Variants in PCDHA3 observed in about 807,000 individuals in gnomAD.
The protein encoded by PCDHA3 is protocadherin alpha 3, also known as protocadherin alpha-3.
Under a neutral mutation model 62.2 loss-of-function variants are expected in PCDHA3, and 41 were observed. The ratio of observed to expected loss-of-function variants is 0.66; its 90% confidence interval spans 0.51 to 0.86. The LOEUF (loss-of-function observed/expected upper bound fraction) is 0.86, where lower values mean the gene tolerates loss of function less well. Ranked by LOEUF, PCDHA3 falls within the 40% of genes least tolerant of loss-of-function variation. The probability of loss-of-function intolerance (pLI) is 0.00; values close to 1 mark genes in which losing one functional copy is unlikely to be tolerated. For synonymous variants in PCDHA3, 640 were observed against 555.4 expected (o/e 1.15, Z -2.14); for missense variants, 1,304 against 1,241.2 (o/e 1.05, Z -0.76).
chr5:140,868,990 G>A (rs1554162367), intron 1 of PCDHA3: 39 of 1,511,606 alleles, frequency 2.6e-5, no homozygotes, highest in Non-Finnish European at 2.4e-5. Flanking sequence ...GGATGCCACC[G>A]TTTAAGGATC....
At chr5:140,915,626 G>GTCTCTCTCTCTCTC (rs57920489) in intron 1 of PCDHA3, among the ~76,000 whole-genome samples, 21 of 146,534 alleles carry the variant, frequency 1.4e-4, no homozygotes, top group African/African-American at 5.0e-4. Context: ...GTCTCTTTCT[G>GTCTCTCTCTCTCTC]TCTCTCTCTC....
chr5:140,887,286 T>TG (rs1171397329), intron 1 of PCDHA3, among the ~76,000 whole-genome samples: 1 of 151,952 alleles, frequency 6.6e-6, no homozygotes, highest in Non-Finnish European at 1.5e-5. Context: ...TTAGTAGAGA[T>TG]GGGGTTTCAT....
intron 3 of PCDHA3, among the ~76,000 whole-genome samples, chr5:141,004,792 C>G (rs2098181519): frequency 6.6e-6 from 1 of 152,170 alleles, no homozygotes; most frequent in African/African-American, 2.4e-5. Flanking sequence ...CAGGCAGATT[C>G]TGGCTGAGCT....
Position 140,857,574 on chromosome 5 carries a change from T to G in PCDHA3, c.2394+53983T>G, listed in dbSNP as rs1452756689. On this transcript the variant is annotated intron_variant, in intron 1 of 3. Coordinates refer to ENST00000522353, the MANE Select transcript of PCDHA3 (RefSeq NM_018906.3). ...CGCTCGCTGTCGAGCTACGTGTCGGTGCACGCGGAGAGCGGCAAGGTGTAC... is the reference window on the plus strand; with the variant it reads ...CGCTCGCTGTCGAGCTACGTGTCGGGGCACGCGGAGAGCGGCAAGGTGTAC... 26 of 1,596,616 alleles carry G rather than the reference T, an allele frequency of 1.6e-5. 3 individuals carry two copies. Among genetic ancestry groups the G allele is most frequent in the Non-Finnish European group, 2.1e-5 (25 of 1,167,676 alleles).
intron 1 of PCDHA3, chr5:140,810,936 T>A (rs1435717143): frequency 6.6e-6 from 1 of 152,230 alleles, no homozygotes; most frequent in Non-Finnish European, 1.5e-5. Context: ...ACATTACATC[T>A]ACAATCCATT....
intron 1 of PCDHA3, chr5:140,857,451 C>T (rs782451627): frequency 1.3e-6 from 2 of 1,598,488 alleles, no homozygotes; most frequent in Non-Finnish European, 1.7e-6. Flanking sequence ...GAGAACAACC[C>T]GCCAGGCTGC....
chr5:140,871,255 A>G (rs201468806), intron 1 of PCDHA3: 9 of 1,613,976 alleles, frequency 5.6e-6, no homozygotes, highest in Non-Finnish European at 7.6e-6. Context: ...GCTGCTGTAT[A>G]CGGCGCTGTG....
chr5:140,855,741 A>C, intron 1 of PCDHA3: 2 of 313,634 alleles, frequency 6.4e-6, no homozygotes, highest in Non-Finnish European at 5.9e-6. Flanking sequence ...AAGAGACGTA[A>C]TGTGAGGCTT....
intron 1 of PCDHA3, chr5:140,877,802 A>C: frequency 6.2e-7 from 1 of 1,613,434 alleles, no homozygotes; most frequent in Non-Finnish European, 8.5e-7. Flanking sequence ...CCAAGCCTTC[A>C]GCTGTCTCGA....
Position 140,803,118 on chromosome 5 carries a change from G to A in PCDHA3, c.1921G>A (p.Asp641Asn). 2 of 1,613,812 alleles carry A rather than the reference G, an allele frequency of 1.2e-6. No individual in the cohort carries two copies. The highest frequency in any genetic ancestry group is 1.7e-6 in the Non-Finnish European group (2 of 1,179,924). ...ISTTRALDEV[D>N]APRHRLLVLV... ...CACGACCCGTGCCCTGGACGAGGTGGACGCCCCGCGCCATCGCCTACTGGT... is the reference window on the plus strand; with the variant it reads ...CACGACCCGTGCCCTGGACGAGGTGAACGCCCCGCGCCATCGCCTACTGGT... The change falls in exon 1 of 4, where the codon GAC (aspartate) becomes AAC (asparagine). Residue 641 changes from aspartate (D) to asparagine (N), a missense_variant. By Grantham distance (23) the Asp-to-Asn change is conservative (BLOSUM62 1). Coordinates refer to ENST00000522353, the MANE Select transcript of PCDHA3 (RefSeq NM_018906.3).
intron 1 of PCDHA3, chr5:140,928,717 T>C: frequency 6.2e-7 from 1 of 1,614,208 alleles, no homozygotes; most frequent in Non-Finnish European, 8.5e-7. Context: ...CTCTAGTCTC[T>C]TTAGAATTTC....
chr5:140,917,359 A>G (rs2078164580), intron 1 of PCDHA3, among the ~76,000 whole-genome samples: 3 of 142,606 alleles, frequency 2.1e-5, no homozygotes, highest in South Asian at 2.2e-4. Flanking sequence ...CTTCTGTTCC[A>G]CTATCTTGCT....
chr5:140,872,246 G>A (rs2053563930), intron 1 of PCDHA3, among the ~76,000 whole-genome samples: 1 of 151,488 alleles, frequency 6.6e-6, no homozygotes, highest in Non-Finnish European at 1.5e-5. Flanking sequence ...TTATTCCTGT[G>A]ATAATACTTG....
At chr5:140,935,981 C>T (rs1206046231) in intron 1 of PCDHA3, among the ~76,000 whole-genome samples, 2 of 151,096 alleles carry the variant, frequency 1.3e-5, no homozygotes, top group Non-Finnish European at 2.9e-5. Context: ...CAATCTCTGC[C>T]TCCCGGGTTC....
intron 1 of PCDHA3, chr5:140,816,468 A>G (rs1321714228): frequency 6.6e-6 from 1 of 151,952 alleles, no homozygotes; most frequent in African/African-American, 2.4e-5. Context: ...AGTAATTCAC[A>G]TAGCTCTATT....
In PCDHA3 at chr5:140,803,121, G is replaced by A; in HGVS notation, c.1924G>A (p.Ala642Thr). The change falls in exon 1 of 4, where the codon GCC (alanine) becomes ACC (threonine). Residue 642 changes from alanine (A) to threonine (T), a missense_variant. Ala to Thr is a moderately conservative substitution (Grantham distance 58). Transcript: ENST00000522353. ...GACCCGTGCCCTGGACGAGGTGGAC[G>A]CCCCGCGCCATCGCCTACTGGTGCT... ...STTRALDEVDAPRHRLLVLVK... is the reference protein window; with the variant it reads ...STTRALDEVDTPRHRLLVLVK... 1 of 1,613,764 alleles carries A rather than the reference G, an allele frequency of 6.2e-7. No homozygotes were observed. The highest frequency in any genetic ancestry group is 8.5e-7 in the Non-Finnish European group (1 of 1,179,924).
At chr5:140,814,311 A>G (rs1404172900) in intron 1 of PCDHA3, 28 of 152,108 alleles carry the variant, frequency 1.8e-4, no homozygotes, top group African/African-American at 6.8e-4. Flanking sequence ...ATTGTCTTCC[A>G]CCTCCATATC....
chr5:140,881,398 AT>A (rs1269168835), intron 1 of PCDHA3: 1 of 975,426 alleles, frequency 1.0e-6, no homozygotes, highest in Non-Finnish European at 1.2e-6. Context: ...GTTAAATTCT[AT>A]TAAATCAATA....
intron 1 of PCDHA3, among the ~76,000 whole-genome samples, chr5:140,948,015 C>CCTTTT (rs71276332): frequency 0.56 from 84,575 of 150,344 alleles, 24,313 homozygotes; most frequent in African/African-American, 0.69. Context: ...TAGGAAGTAC[C>CCTTTT]CTTTCTGGTT....
Sources: allele counts gnomAD v4.1 joint callset (sites outside exome capture counted in the v4.1 genomes callset), GRCh38; gene constraint gnomAD v4.1.1; transcripts MANE v1.5; gene names NCBI Gene and HGNC (gene_info 2026-07-23, HGNC 2026-07-21).